Variants in DOCK5 observed in about 807,000 individuals in gnomAD.
DOCK5 encodes the protein dedicator of cytokinesis 5, also known as dedicator of cytokinesis protein 5.
A neutral mutation model predicts 251.8 loss-of-function variants in DOCK5; 142 were observed. The ratio of observed to expected loss-of-function variants is 0.56; its 90% CI spans 0.49 to 0.65. The LOEUF is 0.65. Among genes scored for constraint, DOCK5 ranks in the 30% least tolerant of loss-of-function variants. The pLI is 0.00. For synonymous variants in DOCK5, 842 were observed against 835.5 expected, an observed-to-expected ratio of 1.01 and a Z score of -0.13; for missense variants, 2,111 against 2,312.3, an observed-to-expected ratio of 0.91 and a Z score of 1.79.
At chr8:25,221,944 C>T (rs1364132553) in intron 1 of DOCK5, among the ~76,000 whole-genome samples, 1 of 152,166 alleles carries the variant, frequency 6.6e-6, no homozygotes, top group Non-Finnish European at 1.5e-5. Flanking sequence ...GCTATGCTGA[C>T]CCATGCCAAC....
chr8:25,396,280 T>C (rs562076989), intron 45 of DOCK5, among the ~76,000 whole-genome samples: 1 of 152,284 alleles, frequency 6.6e-6, no homozygotes, highest in South Asian at 2.1e-4. Flanking sequence ...CTCAGGAGGC[T>C]GAGGCACGAG....
At chr8:25,376,219 C>T (rs1800961058) in intron 37 of DOCK5, 42 of 985,106 alleles carry the variant, frequency 4.3e-5, no homozygotes, top group Non-Finnish European at 5.1e-5. Context: ...AACTGTAGGT[C>T]TTTTCATTTG....
intron 1 of DOCK5, 56 bp downstream of exon 1, chr8:25,185,007 A>G (rs983318301): frequency 3.1e-6 from 4 of 1,300,762 alleles, no homozygotes; most frequent in Admixed American, 7.7e-5. Flanking sequence ...GTTCGCGGAC[A>G]GCGGCCCTGC....
At chr8:25,311,579 C>T (rs1202151158) in intron 13 of DOCK5, among the ~76,000 whole-genome samples, 1 of 149,052 alleles carries the variant, frequency 6.7e-6, no homozygotes, top group Non-Finnish European at 1.5e-5. Context: ...AACAACCATA[C>T]CATGTTAGAA....
intron 1 of DOCK5, among the ~76,000 whole-genome samples, chr8:25,241,330 T>C (rs1802938520): frequency 6.6e-6 from 1 of 151,882 alleles, no homozygotes; most frequent in Admixed American, 6.6e-5. Context: ...CAAAAAAAAT[T>C]AGCTGGGCTT....
At chr8:25,287,479 A>T (rs903878893) in intron 5 of DOCK5, among the ~76,000 whole-genome samples, 1 of 152,190 alleles carries the variant, frequency 6.6e-6, no homozygotes, top group Non-Finnish European at 1.5e-5. Flanking sequence ...GGCTTCAGGT[A>T]TCTCCGTATC....
chr8:25,367,094 T>C (rs1800789955), intron 31 of DOCK5, 124 bp downstream of exon 31: 1 of 814,322 alleles, frequency 1.2e-6, no homozygotes, highest in South Asian at 1.5e-5. Flanking sequence ...GTGAGGTAAG[T>C]CTTCAACTAA....
At chr8:25,344,664 C>G (rs1011822021) in intron 25 of DOCK5, among the ~76,000 whole-genome samples, 1 of 152,174 alleles carries the variant, frequency 6.6e-6, no homozygotes, top group Non-Finnish European at 1.5e-5. Context: ...TCCTAAGACA[C>G]AATTGGAGGT....
At chr8:25,391,471 A>C (rs186293722) in intron 42 of DOCK5, among the ~76,000 whole-genome samples, 164 of 152,080 alleles carry the variant, frequency 1.1e-3, no homozygotes, top group African/African-American at 3.7e-3. Flanking sequence ...CCCCATCTGT[A>C]CTAAAAATAC....
chr8:25,292,036 AC>A lies in DOCK5; in HGVS notation c.337del (p.Leu113SerfsTer8). On this transcript the variant is annotated frameshift_variant, in exon 6 of 52. Transcript: ENST00000276440. LOFTEE classifies it high-confidence loss of function. ...TTTCTCATCTTAGAACAACAAGCTCACCCTCTTCCGCCAGCTGCAGCAGATG... is the reference window on the plus strand; with the variant it reads ...TTTCTCATCTTAGAACAACAAGCTCACCTCTTCCGCCAGCTGCAGCAGATG... ...WRKLYVNNKL[T>X]LFRQLQQMTY... 1 of 1,596,318 alleles carries A rather than the reference AC, an allele frequency of 6.3e-7. No homozygotes were observed.
chr8:25,299,146 C>T, intron 8 of DOCK5, 45 bp downstream of exon 8: 4 of 1,591,008 alleles, frequency 2.5e-6, no homozygotes, highest in East Asian at 2.3e-5. Context: ...ACAAAGATAC[C>T]CAGCCTTCCC....
chr8:25,368,420 T>C (rs1321835964), intron 32 of DOCK5, 151 bp from the exon 33 acceptor site: 2 of 1,071,738 alleles, frequency 1.9e-6, no homozygotes, highest in African/African-American at 3.2e-5. Flanking sequence ...TCTCTTACTC[T>C]GGCATCCACA....
intron 1 of DOCK5, among the ~76,000 whole-genome samples, chr8:25,188,424 C>A (rs1239593375): frequency 1.3e-5 from 2 of 152,216 alleles, no homozygotes; most frequent in African/African-American, 2.4e-5. Flanking sequence ...CTAGCTATGA[C>A]TTTGCCTGTT....
intron 1 of DOCK5, among the ~76,000 whole-genome samples, chr8:25,224,959 T>C (rs1387263935): frequency 6.6e-6 from 1 of 152,144 alleles, no homozygotes; most frequent in Non-Finnish European, 1.5e-5. Context: ...TCAAAGAAGA[T>C]ATGTAAATGG....
chr8:25,192,659 C>T (rs1301523549), intron 1 of DOCK5, among the ~76,000 whole-genome samples: 3 of 152,174 alleles, frequency 2.0e-5, no homozygotes, highest in Non-Finnish European at 2.9e-5. Context: ...ACACACACTA[C>T]CATGCCTGGC....
In DOCK5 at chr8:25,281,789, G is replaced by A. The variant is rs552564131; in HGVS notation, c.321+3124G>A. Among the ~76,000 whole-genome samples the A allele has an allele frequency of 1.6e-4, 23 of 148,148 alleles. 1 individual carries two copies. In the South Asian group the frequency reaches 4.7e-3, roughly 30 times the overall value. ...AGCTACTCGGGAGGCTGAGGCAGAA[G>A]AATCACTTGAACCCGAGAGGCGGAG... On this transcript the variant is annotated intron_variant, in intron 5 of 51. Transcript: ENST00000276440.
At chr8:25,368,425 T>C in intron 32 of DOCK5, 146 bp from the exon 33 acceptor site, 1 of 1,093,696 alleles carries the variant, frequency 9.1e-7, no homozygotes, top group Non-Finnish European at 1.3e-6. Flanking sequence ...TACTCTGGCA[T>C]CCACATGCTA....
rs1397333464 is a variant in DOCK5 at position 25,413,201 on chromosome 8, T to A, written c.*1903T>A. The A allele has an allele frequency of 1.3e-5, 2 of 152,244 alleles. No individual in the cohort carries two copies. The highest frequency in any genetic ancestry group is 3.9e-4 in the East Asian group (2 of 5,180). 9.4% of individuals were successfully genotyped at this position (152,244 alleles called of 1,614,324 possible). On this transcript the variant is annotated 3_prime_UTR_variant, in exon 52 of 52. Coordinates refer to ENST00000276440, the MANE Select transcript of DOCK5 (RefSeq NM_024940.8). ...GAGATGAAATATGGGAAAGAAGAGG[T>A]ACTCACCTGATGGTCCCTGCTTTCC... is the stretch of plus-strand genomic sequence containing the variant.
At chr8:25,333,090 G>C (rs929343938) in intron 20 of DOCK5, among the ~76,000 whole-genome samples, 1 of 152,202 alleles carries the variant, frequency 6.6e-6, no homozygotes, top group Non-Finnish European at 1.5e-5. Context: ...TCATTAGGCA[G>C]AATATTCAAC....
Sources: allele counts gnomAD v4.1 joint callset (sites outside exome capture counted in the v4.1 genomes callset), GRCh38; gene constraint gnomAD v4.1.1; transcripts MANE v1.5; gene names NCBI Gene and HGNC (gene_info 2026-07-23, HGNC 2026-07-21).